Variants in CFAP20DC observed in about 807,000 individuals in gnomAD.
CFAP20DC encodes the protein protein CFAP20DC.
A neutral mutation model predicts 101.7 loss-of-function variants in CFAP20DC; 84 were observed. The ratio of observed to expected loss-of-function variants is 0.83; its 90% CI spans 0.69 to 0.99. CFAP20DC has a LOEUF of 0.99. Ranked by LOEUF, CFAP20DC falls within the 50% of genes least tolerant of loss-of-function variation. The pLI is 0.00. For synonymous variants in CFAP20DC, 359 were observed against 351.2 expected (o/e 1.02, Z -0.25); for missense variants, 1,007 against 970.3 (o/e 1.04, Z -0.50).
downstream of CFAP20DC, among the ~76,000 whole-genome samples, chr3:58,738,235 T>C (rs1238816637): frequency 6.6e-6 from 1 of 152,108 alleles, no homozygotes; most frequent in East Asian, 1.9e-4. The surrounding 1 kb of genome is among the most constrained non-coding windows in gnomAD (Gnocchi z 4.4). Flanking sequence ...GCAGGTTTGT[T>C]ATGTAGGTAA....
chr3:58,803,596 T>C (rs200438606), intron 15 of CFAP20DC, among the ~76,000 whole-genome samples: 151 of 152,344 alleles, frequency 9.9e-4, no homozygotes, highest in African/African-American at 3.4e-3. Flanking sequence ...TGATGATATA[T>C]ACTGACCTCA....
At chr3:58,815,481 T>C (rs1202352571) in intron 14 of CFAP20DC, among the ~76,000 whole-genome samples, 2 of 149,546 alleles carry the variant, frequency 1.3e-5, no homozygotes, top group African/African-American at 2.5e-5. Context: ...CCAAAAGCAA[T>C]GGCAACAAAA....
At chr3:58,756,277 T>TGGA (rs1183064657) in intron 15 of CFAP20DC, among the ~76,000 whole-genome samples, 5 of 152,054 alleles carry the variant, frequency 3.3e-5, no homozygotes, top group African/African-American at 4.8e-5. Context: ...TTTACCTACT[T>TGGA]CCTGAATTAT....
intron 6 of CFAP20DC, among the ~76,000 whole-genome samples, chr3:58,904,475 T>G (rs1266977921): frequency 2.0e-5 from 3 of 152,052 alleles, no homozygotes; most frequent in Non-Finnish European, 1.5e-5. Context: ...GAAAGGGCAT[T>G]TTGAGTTCAT....
chr3:58,817,421 T>A (rs2107859798), intron 14 of CFAP20DC, among the ~76,000 whole-genome samples: 1 of 149,000 alleles, frequency 6.7e-6, no homozygotes, highest in East Asian at 2.0e-4. Context: ...ATAACTAGAA[T>A]AACCAATACA....
In CFAP20DC at chr3:58,913,189, A is replaced by G. The variant is rs183572877; in HGVS notation, c.550+519T>C. Among the ~76,000 whole-genome samples, 7 of 152,264 alleles carry G rather than the reference A, an allele frequency of 4.6e-5. No individual in the cohort carries two copies. In the East Asian group the frequency reaches 1.3e-3, roughly 29 times the overall value. On this transcript the variant is annotated intron_variant, in intron 6 of 16. Coordinates refer to ENST00000482387, the MANE Select transcript of CFAP20DC (RefSeq NM_001394063.1). The surrounding 1 kb of genome is among the most constrained non-coding windows in gnomAD (Gnocchi z 4.4). ...GGGGCTGCTGTAACAGAAATTATGG[A>G]ACTTATAGCCCAGCATTATGATGTG...
intron 4 of CFAP20DC, among the ~76,000 whole-genome samples, chr3:58,993,775 T>C (rs1439541869): frequency 6.6e-6 from 1 of 152,252 alleles, no homozygotes; most frequent in Non-Finnish European, 1.5e-5. Context: ...TTCCTTTTTA[T>C]GGCTGCATAG....
intron 16 of CFAP20DC, among the ~76,000 whole-genome samples, chr3:58,747,859 C>A (rs749872074): frequency 1.3e-5 from 2 of 152,120 alleles, no homozygotes; most frequent in Non-Finnish European, 2.9e-5. Flanking sequence ...AACATGTACC[C>A]TCAAATGGGA....
intron 15 of CFAP20DC, among the ~76,000 whole-genome samples, chr3:58,762,801 T>C (rs1432617459): frequency 6.6e-6 from 1 of 152,216 alleles, no homozygotes; most frequent in Non-Finnish European, 1.5e-5. Flanking sequence ...TTATGAAGCT[T>C]AGTTTGGCTG....
intron 13 of CFAP20DC, among the ~76,000 whole-genome samples, chr3:58,842,191 T>G (rs1395293811): frequency 6.6e-6 from 1 of 151,676 alleles, no homozygotes; most frequent in Non-Finnish European, 1.5e-5. Context: ...ACAGCTCCGG[T>G]CTACAGCTCC....
intron 4 of CFAP20DC, among the ~76,000 whole-genome samples, chr3:59,032,461 G>A (rs1486400421): frequency 3.3e-5 from 5 of 152,214 alleles, no homozygotes; most frequent in South Asian, 2.1e-4. Flanking sequence ...TGAAATTCTC[G>A]CTGCCAGCAC....
intron 15 of CFAP20DC, among the ~76,000 whole-genome samples, chr3:58,760,075 G>A (rs2069397214): frequency 6.6e-6 from 1 of 152,188 alleles, no homozygotes; most frequent in African/African-American, 2.4e-5. Flanking sequence ...TGTGAAGAAA[G>A]TCATTGGTAG....
intron 7 of CFAP20DC, among the ~76,000 whole-genome samples, chr3:58,871,836 T>C (rs538006512): frequency 6.0e-4 from 91 of 152,230 alleles, no homozygotes; most frequent in African/African-American, 1.6e-3. Flanking sequence ...CCCCATAGGA[T>C]TGAATTCTGG....
At chr3:58,967,603 C>A (rs769755126) in intron 4 of CFAP20DC, among the ~76,000 whole-genome samples, 23 of 152,054 alleles carry the variant, frequency 1.5e-4, no homozygotes, top group Non-Finnish European at 2.9e-4. Flanking sequence ...TTTTACAAAT[C>A]ATATATCTGA....
At chr3:59,035,289 A>G (rs949529140) in intron 4 of CFAP20DC, among the ~76,000 whole-genome samples, 1 of 152,192 alleles carries the variant, frequency 6.6e-6, no homozygotes, top group Admixed American at 6.5e-5. Context: ...AGAACTAGAG[A>G]AGCAAGAGCA....
At chr3:58,935,625 C>A (rs910900852) in intron 5 of CFAP20DC, among the ~76,000 whole-genome samples, 1 of 152,114 alleles carries the variant, frequency 6.6e-6, no homozygotes, top group East Asian at 1.9e-4. Context: ...CGCCGCATAT[C>A]TACAACTATC....
Position 58,861,579 on chromosome 3 carries a change from A to G in CFAP20DC, c.1593+1979T>C. 2 of 985,196 alleles carry G rather than the reference A, an allele frequency of 2.0e-6. No homozygotes were observed. Among genetic ancestry groups the G allele is most frequent in the Non-Finnish European group, 2.4e-6 (2 of 829,662 alleles). The allele number at this position is 985,196 out of a possible 1,614,324, so 61.0% of individuals were successfully genotyped here. ...TTTTGTTAAGAAGGTATCATTACAC[A>G]TGCTAAAACTTGTTTAAATATAGCC... On this transcript the variant is annotated intron_variant, in intron 12 of 16. Transcript: ENST00000482387. This position sits in a 1 kb window ranked among gnomAD's most constrained non-coding sequence, Gnocchi z 4.0.
At chr3:58,753,967 T>C (rs2068749582) in intron 15 of CFAP20DC, 104 bp from the exon 16 acceptor site, 3 of 685,260 alleles carry the variant, frequency 4.4e-6, no homozygotes, top group Non-Finnish European at 7.4e-6. Context: ...AGAAACACTT[T>C]TTTTCCTCCT....
intron 7 of CFAP20DC, among the ~76,000 whole-genome samples, chr3:58,875,937 T>C (rs2080713822): frequency 1.3e-5 from 2 of 152,186 alleles, no homozygotes; most frequent in African/African-American, 4.8e-5. Context: ...ACCCAGTGTC[T>C]ATTAAAGATA....
Sources: gnomAD v4.1 joint callset for allele counts (sites outside exome capture counted in the v4.1 genomes callset) on GRCh38, gnomAD v4.1.1 for gene constraint, Gnocchi (gnomAD v3.1) non-coding constraint, MANE v1.5 for transcripts, NCBI Gene and HGNC (gene_info 2026-07-23, HGNC 2026-07-21) for gene names.